The following RIOK2 variants were observed in gnomAD, a reference collection of about 807,000 sequenced individuals.
RIOK2 encodes RIO kinase 2, also known as serine/threonine-protein kinase RIO2.
A neutral mutation model predicts 62.4 loss-of-function variants in RIOK2; 46 were observed. The observed-to-expected ratio is 0.74, with a 90% CI of 0.58 to 0.94. RIOK2 has a LOEUF of 0.94. Among genes scored for constraint, RIOK2 ranks in the 40% least tolerant of loss-of-function variants. The probability of loss-of-function intolerance (pLI) is 0.00; values close to 1 mark genes in which losing one functional copy is unlikely to be tolerated. For missense variants in RIOK2, 574 were observed against 658.0 expected (o/e 0.87, Z 1.40); for synonymous variants, 197 against 216.0 (o/e 0.91, Z 0.77).
At chr5:97,164,946 A>G in intron 9 of RIOK2, 105 bp downstream of exon 9, 1 of 576,976 alleles carries the variant, frequency 1.7e-6, no homozygotes, top group Non-Finnish European at 2.9e-6. Context: ...AGCAATCAAC[A>G]GAAGTCTGTA....
chr5:97,178,631 G>A (rs561364214), intron 2 of RIOK2, among the ~76,000 whole-genome samples: 13 of 117,676 alleles, frequency 1.1e-4, no homozygotes, highest in African/African-American at 2.7e-4. Flanking sequence ...CAGTACCTAC[G>A]TGCTCTTCTG....
intron 4 of RIOK2, 72 bp downstream of exon 4, chr5:97,177,044 T>C: frequency 7.9e-7 from 1 of 1,273,626 alleles, no homozygotes; most frequent in Non-Finnish European, 1.1e-6. Context: ...AGAATCACAC[T>C]TGTCATTAAG....
intron 3 of RIOK2, 58 bp from the exon 4 acceptor site, chr5:97,177,349 C>A: frequency 7.1e-7 from 1 of 1,407,634 alleles, no homozygotes; most frequent in Non-Finnish European, 9.7e-7. Flanking sequence ...TCAGTTAAAA[C>A]AATTCTAACT....
Position 97,168,783 on chromosome 5 carries a change from A to T in RIOK2, c.849T>A (p.Leu283=). The part of the protein sequence containing the change: ...FMKRFSYESE[L]FPTFKDIRRE... ...ACCTGATATCCTTAAAAGTTGGAAA[A>T]AGCTCACTTTCGTAGCTGAAACGTT... The change falls in exon 7 of 10, where the codon CTT becomes CTA. Residue 283 remains leucine, a synonymous_variant. Transcript: ENST00000283109. 1 of 1,600,378 alleles carries T rather than the reference A, an allele frequency of 6.2e-7. No individual in the cohort carries two copies.
In RIOK2 at chr5:97,171,438, A is replaced by G. The variant is rs765494024; in HGVS notation, c.588-41T>C. On this transcript the variant is annotated intron_variant, in intron 5 of 9. Transcript: ENST00000283109. ...GCATGAAAATAGGTTACTTGTGTTC[A>G]TTTACGGTTTTAACGAAAGTATGTA... is the stretch of plus-strand genomic sequence containing the variant. 5.7e-6 allele frequency: 8 copies of G among 1,403,510 alleles called. No homozygotes were observed. The Admixed American group carries it at 1.7e-4, about 30-fold the overall frequency. The allele number at this position is 1,403,510 out of a possible 1,614,324, so 86.9% of individuals were successfully genotyped here.
chr5:97,176,440 C>G (rs1224571587), intron 4 of RIOK2, among the ~76,000 whole-genome samples: 1 of 152,140 alleles, frequency 6.6e-6, no homozygotes, highest in Non-Finnish European at 1.5e-5. Context: ...TTCCTGGGTT[C>G]AAGTGATTTT....
At chr5:97,174,298 T>C (rs1225890738) in intron 4 of RIOK2, among the ~76,000 whole-genome samples, 1 of 152,138 alleles carries the variant, frequency 6.6e-6, no homozygotes, top group Non-Finnish European at 1.5e-5. Context: ...CACATGCCTG[T>C]AGTCCCAGCT....
intron 9 of RIOK2, among the ~76,000 whole-genome samples, chr5:97,163,623 T>C (rs1326805767): frequency 2.6e-5 from 4 of 152,218 alleles, no homozygotes; most frequent in Non-Finnish European, 4.4e-5. Flanking sequence ...GTTTCAGCTG[T>C]AGAATTGACC....
chr5:97,165,901 G>C (rs1327605181), intron 8 of RIOK2, among the ~76,000 whole-genome samples: 1 of 152,220 alleles, frequency 6.6e-6, no homozygotes, highest in African/African-American at 2.4e-5. Flanking sequence ...GTGTGTCTTT[G>C]AGGGCGTTTC....
At chr5:97,174,417 C>T (rs1182575395) in intron 4 of RIOK2, among the ~76,000 whole-genome samples, 1 of 148,474 alleles carries the variant, frequency 6.7e-6, no homozygotes, top group Non-Finnish European at 1.5e-5. Flanking sequence ...AAGACTACAC[C>T]TCAAAAAAAG....
chr5:97,178,514 T>C (rs757400889), intron 2 of RIOK2, among the ~76,000 whole-genome samples: 53 of 151,800 alleles, frequency 3.5e-4, no homozygotes, highest in Non-Finnish European at 7.2e-4. Flanking sequence ...CCTGCTCTTC[T>C]GCAGTACTCT....
rs1262347173 is a variant in RIOK2, at chr5:97,167,770, C to T, written c.1094G>A (p.Cys365Tyr). Residue 365 changes from cysteine (C) to tyrosine (Y), a missense_variant, in exon 8 of 10, where the codon TGC (cysteine) becomes TAC (tyrosine). Transcript: ENST00000283109. ...ERNCLEESEG[C>Y]YCRSSGDPEQ... Reference sequence around the variant, plus strand: ...AGGGTCTCCAGATGATCTGCAATAGCAGCCCTCTGATTCTTCTAGACAGTT... The same window carrying T: ...AGGGTCTCCAGATGATCTGCAATAGTAGCCCTCTGATTCTTCTAGACAGTT... The T allele has an allele frequency of 1.2e-6, 2 of 1,614,136 alleles. No individual in the cohort carries two copies. The highest frequency in any genetic ancestry group is 1.7e-6 in the Non-Finnish European group (2 of 1,180,000).
Position 97,179,035 on chromosome 5 carries a change from T to C in RIOK2, c.205+20A>G, listed in dbSNP as rs1749260059. On this transcript the variant is annotated intron_variant, in intron 2 of 9. Transcript: ENST00000283109. ...AACCAATTACCTGAAAAATCACAAA[T>C]GGTGCCTCAAAATACTTACTTTTGG... 2 of 1,613,476 alleles carry C rather than the reference T, an allele frequency of 1.2e-6. No homozygotes were observed. Among genetic ancestry groups the C allele is most frequent in the African/African-American group, 1.3e-5 (1 of 74,924 alleles).
intron 6 of RIOK2, among the ~76,000 whole-genome samples, chr5:97,170,893 C>T (rs1748984927): frequency 1.3e-5 from 2 of 152,042 alleles, no homozygotes; most frequent in African/African-American, 4.8e-5. Flanking sequence ...ATGGCTCACC[C>T]CTGTAATCCC....
chr5:97,176,019 C>A (rs909536423), intron 4 of RIOK2: 1 of 151,996 alleles, frequency 6.6e-6, no homozygotes, highest in African/African-American at 2.4e-5. Flanking sequence ...TTTGGGGAAA[C>A]TGCAGGGGTC....
chr5:97,169,836 A>T (rs73778021), intron 6 of RIOK2, among the ~76,000 whole-genome samples: 4,589 of 152,248 alleles, frequency 0.03, 113 homozygotes, highest in African/African-American at 0.068. Context: ...GCCTAAACCT[A>T]GAATGTCATA....
chr5:97,177,112 A>G lies in RIOK2; in HGVS notation c.498+4T>C. ...AATGCATGACTACAAAATAAAATAA[A>G]TACCTTCATATAGGCAAATTCCTTC... On this transcript the variant is annotated splice_donor_region_variant and intron_variant, in intron 4 of 9. Transcript: ENST00000283109. The G allele has an allele frequency of 2.5e-6, 4 of 1,605,858 alleles. No homozygotes were observed. Among genetic ancestry groups the G allele is most frequent in the Non-Finnish European group, 3.4e-6 (4 of 1,176,816 alleles).
intron 4 of RIOK2, 57 bp from the exon 5 acceptor site, chr5:97,173,320 C>T (rs1749068507): frequency 9.2e-7 from 1 of 1,087,692 alleles, no homozygotes; most frequent in Admixed American, 2.0e-5. Context: ...CTTTAAAGAA[C>T]AATAAAAGTA....
intron 1 of RIOK2, among the ~76,000 whole-genome samples, chr5:97,180,142 G>GTATGTATATA (rs1350504483): frequency 0.032 from 3,100 of 95,992 alleles, 192 homozygotes; most frequent in African/African-American, 0.089. Flanking sequence ...ATATATATAT[G>GTATGTATATA]TATATATATA....
Sources: allele counts gnomAD v4.1 joint callset (sites outside exome capture counted in the v4.1 genomes callset), GRCh38; gene constraint gnomAD v4.1.1; transcripts MANE v1.5; gene names NCBI Gene and HGNC (gene_info 2026-07-23, HGNC 2026-07-21).